TECTA: variants seen among roughly 807,000 people sequenced by gnomAD.
TECTA encodes alpha-tectorin.
Under a neutral mutation model 216.8 loss-of-function variants are expected in TECTA, and 128 were observed. That is an observed-to-expected ratio of 0.59 (90% CI 0.51 to 0.68). The LOEUF (loss-of-function observed/expected upper bound fraction) is 0.68. Among genes scored for constraint, TECTA ranks in the 30% least tolerant of loss-of-function variants. TECTA has a pLI of 0.00. For missense variants in TECTA, 2,551 were observed against 2,786.2 expected (o/e 0.92, Z 1.90); for synonymous variants, 1,089 against 1,117.1 (o/e 0.97, Z 0.50).
At chr11:121,168,594 T>A in intron 19 of TECTA, 83 bp from the exon 20 acceptor site, 2 of 1,609,950 alleles carry the variant, frequency 1.2e-6, no homozygotes, top group Non-Finnish European at 1.7e-6. Context: ...GCTTTCCCTC[T>A]GCATTCTCAG....
intron 20 of TECTA, among the ~76,000 whole-genome samples, chr11:121,187,254 G>A (rs758039795): frequency 8.5e-5 from 13 of 152,148 alleles, no homozygotes; most frequent in Non-Finnish European, 1.9e-4. Context: ...CCTGAGATAT[G>A]TCTTGGCTGG....
At chr11:121,111,798 C>T (rs990612715) in intron 4 of TECTA, among the ~76,000 whole-genome samples, 8 of 152,232 alleles carry the variant, frequency 5.3e-5, no homozygotes, top group Non-Finnish European at 1.0e-4. Context: ...GTCCCACTGT[C>T]CTCTTCTGTT....
At chr11:121,161,205 T>A (rs1946994853) in intron 15 of TECTA, among the ~76,000 whole-genome samples, 1 of 152,158 alleles carries the variant, frequency 6.6e-6, no homozygotes. Flanking sequence ...TCCTGTGAAT[T>A]ATGGGACTCA....
At position 121,138,026 on chromosome 11, in the gene TECTA, A is replaced by C; in HGVS notation, c.3543+4A>C. The stretch of plus-strand genomic sequence containing the variant: ...AGCTTACAAGCACACTGTGCTGGTG[A>C]GTAGTCATGAGGTCCCCTCAAAAGG... On this transcript the variant is annotated splice_donor_region_variant and intron_variant, in intron 11 of 23. Coordinates refer to ENST00000392793, the MANE Select transcript of TECTA (RefSeq NM_005422.4). 1 of 1,613,726 alleles carries C rather than the reference A, an allele frequency of 6.2e-7. No individual in the cohort carries two copies. The highest frequency in any genetic ancestry group is 8.5e-7 in the Non-Finnish European group (1 of 1,179,720).
At chr11:121,139,036 G>A (rs1282488890) in intron 11 of TECTA, among the ~76,000 whole-genome samples, 2 of 152,132 alleles carry the variant, frequency 1.3e-5, no homozygotes, top group Admixed American at 6.5e-5. Context: ...CCTGCCTCGG[G>A]ATTTCCTCAA....
Position 121,138,025 on chromosome 11 carries a change from G to A in TECTA, c.3543+3G>A, listed in dbSNP as rs1199855606. 1 of 1,613,682 alleles carries A rather than the reference G, an allele frequency of 6.2e-7. No homozygotes were observed. Among genetic ancestry groups the A allele is most frequent in the African/African-American group, 1.3e-5 (1 of 74,934 alleles). Reference sequence around the variant, plus strand: ...GAGCTTACAAGCACACTGTGCTGGTGAGTAGTCATGAGGTCCCCTCAAAAG... The same window carrying A: ...GAGCTTACAAGCACACTGTGCTGGTAAGTAGTCATGAGGTCCCCTCAAAAG... On this transcript the variant is annotated splice_donor_region_variant and intron_variant, in intron 11 of 23. Transcript: ENST00000392793.
chr11:121,134,539 A>G (rs912903605), intron 10 of TECTA, among the ~76,000 whole-genome samples: 2 of 151,784 alleles, frequency 1.3e-5, no homozygotes, highest in Admixed American at 6.6e-5. Flanking sequence ...GTCGGCCACC[A>G]CATCCGGTGG....
intron 17 of TECTA, among the ~76,000 whole-genome samples, chr11:121,166,004 G>A (rs1947049785): frequency 6.6e-6 from 1 of 152,226 alleles, no homozygotes; most frequent in Non-Finnish European, 1.5e-5. Flanking sequence ...AGGCTCCTTA[G>A]GAGGGGACAA....
At chr11:121,169,215 G>A (rs1400011150) in intron 20 of TECTA, among the ~76,000 whole-genome samples, 1 of 152,188 alleles carries the variant, frequency 6.6e-6, no homozygotes, top group Non-Finnish European at 1.5e-5. Flanking sequence ...TGGGGATTCT[G>A]TGCTGTTTAC....
intron 2 of TECTA, among the ~76,000 whole-genome samples, chr11:121,103,579 T>TG (rs915936949): frequency 1.3e-5 from 2 of 151,438 alleles, no homozygotes; most frequent in Non-Finnish European, 2.9e-5. Context: ...TTTTATTTGG[T>TG]GGGAAAAAAA....
chr11:121,141,922 A>G (rs1946788391), intron 11 of TECTA, among the ~76,000 whole-genome samples: 1 of 152,230 alleles, frequency 6.6e-6, no homozygotes, highest in Non-Finnish European at 1.5e-5. Flanking sequence ...AATGTTGCTC[A>G]TGGAGGGTGT....
At chr11:121,103,338 A>AT (rs1442723585) in intron 2 of TECTA, among the ~76,000 whole-genome samples, 1 of 152,202 alleles carries the variant, frequency 6.6e-6, no homozygotes, top group Non-Finnish European at 1.5e-5. Context: ...GTCTACGTAG[A>AT]TTTTAACTTT....
chr11:121,109,319 G>A lies in TECTA; in HGVS notation c.307G>A (p.Val103Met). ...CTTCGTCGCCCCATTTTGGGCAGAT[G>A]TGCACAATGGAATTCGAGGCGAGAT... Reference protein sequence around the residue: ...RAFVAPFWADVHNGIRGEIYY... With the variant: ...RAFVAPFWADMHNGIRGEIYY... The change falls in exon 4 of 24, where the codon GTG becomes ATG. Residue 103 changes from valine to methionine, a missense_variant. Val to Met is a conservative substitution (Grantham distance 21). This residue lies in a region of TECTA where 2,375 missense variants were observed against 2,563.9 expected (regional missense o/e 0.93). Coordinates refer to ENST00000392793, the MANE Select transcript of TECTA (RefSeq NM_005422.4). The A allele has an allele frequency of 6.2e-7, 1 of 1,614,154 alleles. No homozygotes were observed.
intron 22 of TECTA, 125 bp from the exon 23 acceptor site, chr11:121,189,639 G>T: frequency 1.1e-6 from 1 of 879,022 alleles, no homozygotes; most frequent in South Asian, 1.3e-5. Flanking sequence ...CTCCCAAAGT[G>T]CTGGGATTAC....
At position 121,113,228 on chromosome 11, in the gene TECTA, C is replaced by A. The variant is rs775222772; in HGVS notation, c.624+19C>A. 3 of 1,613,754 alleles carry A rather than the reference C, an allele frequency of 1.9e-6. No homozygotes were observed. Among genetic ancestry groups the A allele is most frequent in the Non-Finnish European group, 2.5e-6 (3 of 1,180,036 alleles). On this transcript the variant is annotated intron_variant, in intron 5 of 23. Transcript: ENST00000392793. The surrounding 1 kb of genome is among the most constrained non-coding windows in gnomAD (Gnocchi z 4.2). The stretch of plus-strand genomic sequence containing the variant: ...GGCACAGGTAGGTGGCTCTCCACTT[C>A]ATCCCCCGCGTGTTTCCGTCGCTGC...
rs2135067367 is a variant in TECTA, at chr11:121,118,532, C to T, written c.1017C>T (p.His339=). The T allele has an allele frequency of 1.2e-6, 2 of 1,614,190 alleles. No homozygotes were observed. The highest frequency in any genetic ancestry group is 2.2e-5 in the East Asian group (1 of 44,882). ...HYHTFDGFLF[H]FQGSCAYLLA... ...ACACTTTTGACGGCTTCCTCTTCCA[C>T]TTCCAAGGCTCCTGTGCCTACTTGC... Residue 339 remains histidine (H), a synonymous_variant, in exon 7 of 24, where the codon CAC becomes CAT. Transcript: ENST00000392793.
intron 20 of TECTA, among the ~76,000 whole-genome samples, chr11:121,175,434 C>T (rs1947156028): frequency 6.6e-6 from 1 of 152,066 alleles, no homozygotes; most frequent in South Asian, 2.1e-4. Flanking sequence ...TTATTTCTGC[C>T]TTCATTTCGT....
chr11:121,176,360 G>T (rs1327450670), intron 20 of TECTA, among the ~76,000 whole-genome samples: 2 of 148,814 alleles, frequency 1.3e-5, no homozygotes, highest in Admixed American at 6.7e-5. Flanking sequence ...GCTTCCTTCA[G>T]GAGCTCTTTT....
At chr11:121,152,278 G>A (rs1946897963) in intron 12 of TECTA, among the ~76,000 whole-genome samples, 1 of 152,244 alleles carries the variant, frequency 6.6e-6, no homozygotes, top group African/African-American at 2.4e-5. Flanking sequence ...CACACACGGT[G>A]TACATTTGCC....
Sources: allele counts gnomAD v4.1 joint callset (sites outside exome capture counted in the v4.1 genomes callset), GRCh38; gene constraint gnomAD v4.1.1; regional missense constraint gnomAD v4.1.1; non-coding constraint Gnocchi (gnomAD v3.1); transcripts MANE v1.5; gene names NCBI Gene and HGNC (gene_info 2026-07-23, HGNC 2026-07-21).